Variants in FER observed in about 807,000 individuals in gnomAD.
The protein encoded by FER is tyrosine-protein kinase Fer.
In FER, 63 loss-of-function variants were observed where a neutral mutation model predicts 111.0. The ratio of observed to expected loss-of-function variants is 0.57; its 90% CI spans 0.46 to 0.70. The LOEUF is 0.70. Among genes scored for constraint, FER ranks in the 30% least tolerant of loss-of-function variants. FER has a pLI of 0.00. For missense variants in FER, 914 were observed against 954.0 expected (o/e 0.96, Z 0.55); for synonymous variants, 327 against 313.9 (o/e 1.04, Z -0.44).
intron 17 of FER, among the ~76,000 whole-genome samples, chr5:109,102,694 TG>T (rs1417039785): frequency 6.6e-6 from 1 of 152,216 alleles, no homozygotes; most frequent in Non-Finnish European, 1.5e-5. Context: ...TTATTTCCTT[TG>T]TTAATCTTGA....
At chr5:109,158,692 G>A (rs757767418) in intron 17 of FER, among the ~76,000 whole-genome samples, 27 of 152,190 alleles carry the variant, frequency 1.8e-4, no homozygotes, top group Admixed American at 4.6e-4. Context: ...TAGCTTGAGT[G>A]TCTTCATTAA....
intron 3 of FER, among the ~76,000 whole-genome samples, chr5:108,804,737 A>G (rs987075416): frequency 6.6e-6 from 1 of 152,134 alleles, no homozygotes; most frequent in Admixed American, 6.5e-5. Context: ...TCAGTTTGCT[A>G]TTAATAGTAT....
chr5:109,001,988 G>A (rs1332824598), intron 13 of FER, among the ~76,000 whole-genome samples: 3 of 151,994 alleles, frequency 2.0e-5, no homozygotes, highest in African/African-American at 7.3e-5. Flanking sequence ...CAAACAAATG[G>A]AAGAACATTC....
At chr5:109,003,359 C>T (rs924207466) in intron 13 of FER, among the ~76,000 whole-genome samples, 1 of 152,144 alleles carries the variant, frequency 6.6e-6, no homozygotes, top group African/African-American at 2.4e-5. Flanking sequence ...AGCAGACTAT[C>T]ACAAGGACAA....
At chr5:109,056,036 T>C (rs1773607151) in intron 16 of FER, among the ~76,000 whole-genome samples, 1 of 152,184 alleles carries the variant, frequency 6.6e-6, no homozygotes, top group Non-Finnish European at 1.5e-5. Context: ...GATAGCACCT[T>C]ACTCCAATTA....
At chr5:108,847,257 G>A (rs1762119671) in intron 5 of FER, among the ~76,000 whole-genome samples, 1 of 150,874 alleles carries the variant, frequency 6.6e-6, no homozygotes, top group African/African-American at 2.4e-5. Flanking sequence ...TTTTTTGTGT[G>A]TGTTTTTCTT....
intron 13 of FER, among the ~76,000 whole-genome samples, chr5:108,976,091 A>G (rs955381831): frequency 6.6e-6 from 1 of 152,210 alleles, no homozygotes; most frequent in African/African-American, 2.4e-5. Flanking sequence ...GGTTTGGAGT[A>G]AATGAGAAAA....
chr5:108,891,636 G>C (rs1176642855), intron 9 of FER: 4 of 151,206 alleles, frequency 2.6e-5, no homozygotes, highest in Non-Finnish European at 4.4e-5. Context: ...AGATCTCAGA[G>C]GTTTTTTTCT....
At chr5:108,926,371 CAAAGT>C (rs1335963463) in intron 10 of FER, among the ~76,000 whole-genome samples, 2 of 151,844 alleles carry the variant, frequency 1.3e-5, no homozygotes, top group East Asian at 1.9e-4. Flanking sequence ...TACATATCTT[CAAAGT>C]AAAGTAGAAA....
chr5:109,002,186 C>A (rs1187762453), intron 13 of FER, among the ~76,000 whole-genome samples: 1 of 151,760 alleles, frequency 6.6e-6, no homozygotes, highest in Non-Finnish European at 1.5e-5. Flanking sequence ...GCCAAAAGAA[C>A]AAAGCTGGAG....
At chr5:109,117,468 T>G (rs1389271028) in intron 17 of FER, among the ~76,000 whole-genome samples, 2 of 152,150 alleles carry the variant, frequency 1.3e-5, no homozygotes, top group Non-Finnish European at 2.9e-5. Context: ...AAATAAGGCT[T>G]CTGGAAATAA....
chr5:108,812,418 G>A (rs747213060), intron 3 of FER, among the ~76,000 whole-genome samples: 2 of 152,152 alleles, frequency 1.3e-5, no homozygotes, highest in African/African-American at 2.4e-5. Context: ...GCTAATGTTA[G>A]CGTGGTATGT....
intron 17 of FER, among the ~76,000 whole-genome samples, chr5:109,131,466 C>A (rs1415972747): frequency 6.6e-6 from 1 of 152,020 alleles, no homozygotes; most frequent in African/African-American, 2.4e-5. Context: ...TAATATTAAT[C>A]ATATAATGAG....
chr5:108,850,192 T>TAA (rs1762416840), intron 5 of FER, among the ~76,000 whole-genome samples: 1 of 146,022 alleles, frequency 6.8e-6, no homozygotes, highest in Non-Finnish European at 1.5e-5. Flanking sequence ...AGACTCCGTC[T>TAA]CAAAAAAAAA....
chr5:108,935,549 G>GGA (rs904605844), intron 10 of FER, among the ~76,000 whole-genome samples: 1 of 152,022 alleles, frequency 6.6e-6, no homozygotes, highest in Non-Finnish European at 1.5e-5. Flanking sequence ...TGGGGTGCGG[G>GGA]GAGGTGGTAG....
chr5:109,107,052 A>G (rs1045224897), intron 17 of FER, among the ~76,000 whole-genome samples: 4 of 152,160 alleles, frequency 2.6e-5, no homozygotes, highest in Non-Finnish European at 4.4e-5. Flanking sequence ...AGGAGAAGGA[A>G]TGAAGGGAAT....
chr5:108,790,001 C>A (rs1273155543), intron 2 of FER, among the ~76,000 whole-genome samples: 2 of 152,038 alleles, frequency 1.3e-5, no homozygotes, highest in Admixed American at 6.6e-5. Context: ...ATAAAATGAA[C>A]CACAATATCA....
At chr5:108,756,760 A>G (rs1174815030) in intron 1 of FER, among the ~76,000 whole-genome samples, 2 of 152,106 alleles carry the variant, frequency 1.3e-5, no homozygotes, top group Non-Finnish European at 2.9e-5. Context: ...GAAGAAGCCA[A>G]TTTCTTTCTC....
In FER at chr5:109,193,608, C is replaced by A. The variant is rs1249467946; in HGVS notation, c.*6033C>A. The A allele has an allele frequency of 6.6e-6, 1 of 152,166 alleles. No homozygotes were observed. The highest frequency in any genetic ancestry group is 1.5e-5 in the Non-Finnish European group (1 of 68,038). The allele number at this position is 152,166 out of a possible 1,614,324, so 9.4% of individuals were successfully genotyped here. On this transcript the variant is annotated 3_prime_UTR_variant, in exon 20 of 20. Transcript: ENST00000281092. ...TGTTATGTTTTCGCTCAGCTGTATT[C>A]ATTCAGAAAGTTTTTCTTGAACATC...
Sources: gnomAD v4.1 joint callset for allele counts (sites outside exome capture counted in the v4.1 genomes callset) on GRCh38, gnomAD v4.1.1 for gene constraint, MANE v1.5 for transcripts, NCBI Gene and HGNC (gene_info 2026-07-23, HGNC 2026-07-21) for gene names.